The following CSNK1G1 variants were observed in gnomAD, a reference collection of about 807,000 sequenced individuals.
The protein encoded by CSNK1G1 is casein kinase I isoform gamma-1.
Under a neutral mutation model 59.6 loss-of-function variants are expected in CSNK1G1, and 22 were observed. That is an observed-to-expected ratio of 0.37 (90% CI 0.26 to 0.53). CSNK1G1 has a LOEUF of 0.53. CSNK1G1 is among the 20% of genes least tolerant of loss of function. The probability of loss-of-function intolerance (pLI) is 0.89; values close to 1 mark genes in which losing one functional copy is unlikely to be tolerated. For synonymous variants in CSNK1G1, 179 were observed against 177.1 expected (o/e 1.01, Z -0.08); for missense variants, 384 against 519.5 (o/e 0.74, Z 2.54).
intron 2 of CSNK1G1, among the ~76,000 whole-genome samples, chr15:64,284,713 T>G (rs1265921040): frequency 6.6e-6 from 1 of 152,096 alleles, no homozygotes; most frequent in Non-Finnish European, 1.5e-5. Context: ...TAGTATCTCT[T>G]AAATGTCTAC....
chr15:64,342,896 A>C (rs1294147893), intron 1 of CSNK1G1, among the ~76,000 whole-genome samples: 1 of 152,062 alleles, frequency 6.6e-6, no homozygotes, highest in Non-Finnish European at 1.5e-5. Context: ...AGAGTTTCCA[A>C]TTCAGTAGGT....
intron 2 of CSNK1G1, among the ~76,000 whole-genome samples, chr15:64,280,147 C>A (rs1255052160): frequency 6.6e-6 from 1 of 152,074 alleles, no homozygotes; most frequent in Non-Finnish European, 1.5e-5. Context: ...AAAAGAAGTA[C>A]ACGTATATAC....
chr15:64,248,026 A>G (rs1477861843), intron 4 of CSNK1G1, among the ~76,000 whole-genome samples: 1 of 152,256 alleles, frequency 6.6e-6, no homozygotes, highest in Non-Finnish European at 1.5e-5. Context: ...AATGACAGAC[A>G]AAACACTAGT....
intron 2 of CSNK1G1, among the ~76,000 whole-genome samples, chr15:64,283,236 A>G (rs1894237769): frequency 6.6e-6 from 1 of 152,212 alleles, no homozygotes; most frequent in Non-Finnish European, 1.5e-5. Context: ...TTGTCTTTTT[A>G]TGAATGAGTT....
intron 2 of CSNK1G1, among the ~76,000 whole-genome samples, chr15:64,272,857 A>C (rs532541772): frequency 6.6e-6 from 1 of 152,026 alleles, no homozygotes; most frequent in South Asian, 2.1e-4. Context: ...GAAATCTTGG[A>C]ATGCACCACC....
intron 10 of CSNK1G1, among the ~76,000 whole-genome samples, chr15:64,183,140 T>A (rs1469772009): frequency 6.6e-6 from 1 of 152,206 alleles, no homozygotes; most frequent in Non-Finnish European, 1.5e-5. Flanking sequence ...GCATCACCAC[T>A]GAGAATTACC....
intron 1 of CSNK1G1, among the ~76,000 whole-genome samples, chr15:64,309,894 G>T (rs535662988): frequency 1.4e-4 from 22 of 152,208 alleles, no homozygotes; most frequent in African/African-American, 5.1e-4. Flanking sequence ...ATGATCGCTT[G>T]AGCCGAAGAA....
intron 2 of CSNK1G1, among the ~76,000 whole-genome samples, chr15:64,266,287 C>T (rs1892982992): frequency 1.3e-5 from 2 of 152,018 alleles, no homozygotes; most frequent in South Asian, 4.1e-4. Flanking sequence ...ATCTAGATCT[C>T]CTGACCTCAT....
rs75048159 is a variant in CSNK1G1 at position 64,215,730 on chromosome 15, G to A, written c.444+832C>T. ...GGAACTGCTTCTTAAACTGGTATTT[G>A]TGTATAATTTGGTAGGAGCTACAAG... is the stretch of plus-strand genomic sequence containing the variant. On this transcript the variant is annotated intron_variant, in intron 5 of 11. Coordinates refer to ENST00000303052, the MANE Select transcript of CSNK1G1 (RefSeq NM_022048.5). 7.9e-3 allele frequency among the ~76,000 whole-genome samples: 1,205 copies of A among 152,310 alleles called. 15 individuals carry two copies. Among genetic ancestry groups the A allele is most frequent in the African/African-American group, 0.028 (1,158 of 41,564 alleles).
intron 4 of CSNK1G1, among the ~76,000 whole-genome samples, chr15:64,236,246 A>T (rs565176180): frequency 1.3e-5 from 2 of 152,096 alleles, no homozygotes. Flanking sequence ...ACTTATTCAC[A>T]CTATCTAGAA....
rs1480254781 is a variant in CSNK1G1 at position 64,210,530 on chromosome 15, C to T, written c.680-2936G>A. Reference sequence around the variant, plus strand: ...AGTGAGACCAGCAGGACACAAAATTCTTCAATTCTTCTGATTGGTTGAAAG... The same window carrying T: ...AGTGAGACCAGCAGGACACAAAATTTTTCAATTCTTCTGATTGGTTGAAAG... On this transcript the variant is annotated intron_variant, in intron 6 of 11. Transcript: ENST00000303052. This position sits in a 1 kb window ranked among gnomAD's most constrained non-coding sequence, Gnocchi z 4.2. Among the ~76,000 whole-genome samples the T allele has an allele frequency of 2.0e-5, 3 of 152,096 alleles. No homozygotes were observed. The highest frequency in any genetic ancestry group is 1.5e-5 in the Non-Finnish European group (1 of 68,002).
At chr15:64,181,178 A>G (rs192923439) in intron 10 of CSNK1G1, 10 of 1,519,458 alleles carry the variant, frequency 6.6e-6, no homozygotes, top group East Asian at 2.5e-5. Flanking sequence ...TTGGAAAGCC[A>G]GTCTTATTTC....
intron 2 of CSNK1G1, among the ~76,000 whole-genome samples, chr15:64,263,894 C>A (rs7179524): frequency 0.054 from 8,138 of 150,340 alleles, 688 homozygotes; most frequent in African/African-American, 0.18. Flanking sequence ...AGCCAGCACC[C>A]AATTTCATAA....
At chr15:64,282,944 G>T (rs999527803) in intron 2 of CSNK1G1, among the ~76,000 whole-genome samples, 1 of 152,106 alleles carries the variant, frequency 6.6e-6, no homozygotes, top group Non-Finnish European at 1.5e-5. Context: ...TCCTTACATT[G>T]TTTCTGGAGA....
chr15:64,225,635 T>A (rs1022390344), intron 4 of CSNK1G1, among the ~76,000 whole-genome samples: 1 of 152,116 alleles, frequency 6.6e-6, no homozygotes, highest in Non-Finnish European at 1.5e-5. Context: ...GATCTTTTGT[T>A]GTTGTTGTTG....
intron 10 of CSNK1G1, among the ~76,000 whole-genome samples, chr15:64,186,011 C>T (rs1304931820): frequency 6.6e-6 from 1 of 152,170 alleles, no homozygotes; most frequent in Non-Finnish European, 1.5e-5. Context: ...TATTGGTGTA[C>T]AGATCCCAGG....
intron 2 of CSNK1G1, among the ~76,000 whole-genome samples, chr15:64,287,590 T>C (rs908539185): frequency 6.6e-6 from 1 of 152,158 alleles, no homozygotes; most frequent in African/African-American, 2.4e-5. Flanking sequence ...CTTTCATCAG[T>C]ATGTTCTTCA....
intron 1 of CSNK1G1, among the ~76,000 whole-genome samples, chr15:64,332,602 C>A (rs1415187490): frequency 1.4e-5 from 2 of 146,272 alleles, no homozygotes; most frequent in Non-Finnish European, 3.0e-5. Context: ...TGCAGCGCAC[C>A]AGCATGACAC....
At chr15:64,182,630 A>G (rs920652475) in intron 10 of CSNK1G1, among the ~76,000 whole-genome samples, 1 of 152,228 alleles carries the variant, frequency 6.6e-6, no homozygotes, top group African/African-American at 2.4e-5. Context: ...TCGTTCTTAG[A>G]AGATACAGGC....
Sources: allele counts gnomAD v4.1 joint callset (sites outside exome capture counted in the v4.1 genomes callset), GRCh38; gene constraint gnomAD v4.1.1; non-coding constraint Gnocchi (gnomAD v3.1); transcripts MANE v1.5; gene names NCBI Gene and HGNC (gene_info 2026-07-23, HGNC 2026-07-21).